Variants in KLHL1 observed in about 807,000 individuals in gnomAD.
KLHL1 encodes the protein kelch like family member 1, also known as kelch-like protein 1.
Under a neutral mutation model 77.7 loss-of-function variants are expected in KLHL1, and 47 were observed. The ratio of observed to expected loss-of-function variants is 0.60; its 90% CI spans 0.48 to 0.77. KLHL1 has a LOEUF of 0.77. KLHL1 is among the 30% of genes least tolerant of loss of function. The pLI, the probability that KLHL1 is intolerant of heterozygous loss-of-function variation, is 0.00. For missense variants in KLHL1, 925 were observed against 910.8 expected, an observed-to-expected ratio of 1.02 and a Z score of -0.20; for synonymous variants, 360 against 325.2, an observed-to-expected ratio of 1.11 and a Z score of -1.15.
intron 1 of KLHL1, among the ~76,000 whole-genome samples, chr13:70,073,507 T>G (rs528559673): frequency 6.6e-6 from 1 of 152,070 alleles, no homozygotes; most frequent in Non-Finnish European, 1.5e-5. Flanking sequence ...TGTGTACATA[T>G]GTAACAAGCC....
chr13:69,927,620 G>A lies in KLHL1; in HGVS notation c.1014+12420C>T, dbSNP rs146032923. Among the ~76,000 whole-genome samples the A allele has an allele frequency of 2.1e-3, 316 of 152,120 alleles. 6 individuals carry two copies. Among genetic ancestry groups the A allele is most frequent in the Admixed American group, 0.017 (257 of 15,268 alleles). On this transcript the variant is annotated intron_variant, in intron 4 of 10. Transcript: ENST00000377844. Reference sequence around the variant, plus strand: ...GTTCTAAGCAACATTTCTCCAAAGAGGATATATAAATGTCCAATAAATTCA... The same window carrying A: ...GTTCTAAGCAACATTTCTCCAAAGAAGATATATAAATGTCCAATAAATTCA...
intron 1 of KLHL1, among the ~76,000 whole-genome samples, chr13:70,058,591 T>C (rs1324621420): frequency 6.6e-6 from 1 of 152,066 alleles, no homozygotes; most frequent in East Asian, 1.9e-4. Flanking sequence ...TATGGAAAAA[T>C]ATTGCATGTC....
At chr13:70,075,096 T>G (rs1887229421) in intron 1 of KLHL1, among the ~76,000 whole-genome samples, 1 of 152,008 alleles carries the variant, frequency 6.6e-6, no homozygotes, top group Non-Finnish European at 1.5e-5. Context: ...CATGTTTATG[T>G]ACATGGGGGC....
In KLHL1 at chr13:70,040,839, A is replaced by G. The variant is rs576521365; in HGVS notation, c.498-65037T>C. Among the ~76,000 whole-genome samples, 4 of 152,214 alleles carry G rather than the reference A, an allele frequency of 2.6e-5. No homozygotes were observed. The South Asian group carries it at 8.3e-4, about 32-fold the overall frequency. ...CTTTTTAAGTCTTACCCCCATTTTCACCAATTTATGGAACCCCAAAGGCAC... is the reference window on the plus strand; with the variant it reads ...CTTTTTAAGTCTTACCCCCATTTTCGCCAATTTATGGAACCCCAAAGGCAC... On this transcript the variant is annotated intron_variant, in intron 1 of 10. Transcript: ENST00000377844.
chr13:69,927,979 G>A lies in KLHL1; in HGVS notation c.1014+12061C>T, dbSNP rs148303113. On this transcript the variant is annotated intron_variant, in intron 4 of 10. Coordinates refer to ENST00000377844, the MANE Select transcript of KLHL1 (RefSeq NM_020866.3). ...CTATCCTCACAGGATTAACAAGAAT[G>A]CTGGACAGAAATATAATTAAGCATT... Among the ~76,000 whole-genome samples the A allele has an allele frequency of 1.2e-3, 180 of 152,292 alleles. 2 individuals are homozygous for A. The highest frequency in any genetic ancestry group is 6.8e-3 in the Middle Eastern group (2 of 294).
At chr13:69,972,204 C>A (rs987517693) in intron 2 of KLHL1, among the ~76,000 whole-genome samples, 38 of 151,844 alleles carry the variant, frequency 2.5e-4, no homozygotes, top group Non-Finnish European at 8.8e-5. Flanking sequence ...TAAGTAATTT[C>A]TTTTTAATGT....
chr13:69,844,581 G>C (rs1238995347), intron 5 of KLHL1, among the ~76,000 whole-genome samples: 1 of 151,596 alleles, frequency 6.6e-6, no homozygotes, highest in East Asian at 1.9e-4. Context: ...ATTACTGTGG[G>C]GGTTAGGCCA....
At chr13:69,783,426 A>AACAAAAAATT (rs1876337558) in intron 7 of KLHL1, among the ~76,000 whole-genome samples, 1 of 152,142 alleles carries the variant, frequency 6.6e-6, no homozygotes, top group Non-Finnish European at 1.5e-5. Flanking sequence ...AAATACTGTG[A>AACAAAAAATT]ACAAAAAATT....
chr13:69,979,247 G>A (rs9989090), intron 1 of KLHL1, among the ~76,000 whole-genome samples: 68,458 of 150,944 alleles, frequency 0.45, 15,728 homozygotes, highest in Non-Finnish European at 0.49. Flanking sequence ...TCTTCATATT[G>A]TATCTGAGAA....
intron 4 of KLHL1, among the ~76,000 whole-genome samples, chr13:69,939,378 T>TATATATATATATATATAC (rs1200160699): frequency 1.4e-4 from 10 of 70,816 alleles, no homozygotes; most frequent in African/African-American, 5.7e-4. Flanking sequence ...TATATATATA[T>TATATATATATATATATAC]ACACACACAC....
At chr13:69,911,113 C>T (rs1306964526) in intron 4 of KLHL1, among the ~76,000 whole-genome samples, 1 of 151,824 alleles carries the variant, frequency 6.6e-6, no homozygotes, top group Non-Finnish European at 1.5e-5. Context: ...GTCTGTCTTT[C>T]TCTCTCTCTC....
chr13:69,915,930 A>G (rs1221210212), intron 4 of KLHL1, among the ~76,000 whole-genome samples: 4 of 152,180 alleles, frequency 2.6e-5, no homozygotes, highest in Non-Finnish European at 5.9e-5. Context: ...AAAAGTGGGC[A>G]AAGGATATGA....
intron 4 of KLHL1, among the ~76,000 whole-genome samples, chr13:69,926,718 C>T (rs1360333338): frequency 3.3e-5 from 5 of 151,724 alleles, no homozygotes; most frequent in South Asian, 2.1e-4. Context: ...GAGGCTGAGG[C>T]GGGTGGATCA....
Position 69,940,117 on chromosome 13 carries a change from T to G in KLHL1, c.937A>C (p.Asn313His), listed in dbSNP as rs1883321522. The G allele has an allele frequency of 6.2e-7, 1 of 1,613,066 alleles. No homozygotes were observed. The highest frequency in any genetic ancestry group is 1.3e-5 in the African/African-American group (1 of 74,870). ...GCGAAGGCTCGAATTCCTAAACAGTTAGATGGATGCAAAAGCTTCATGAGG... is the reference window on the plus strand; with the variant it reads ...GCGAAGGCTCGAATTCCTAAACAGTGAGATGGATGCAAAAGCTTCATGAGG... ...HFLMKLLHPS[N>H]CLGIRAFADA... The change falls in exon 4 of 11, where the codon AAC (asparagine) becomes CAC (histidine). Residue 313 changes from asparagine (N) to histidine (H), a missense_variant. Asn to His is a moderately conservative substitution (Grantham distance 68). Coordinates refer to ENST00000377844, the MANE Select transcript of KLHL1 (RefSeq NM_020866.3).
chr13:69,782,664 A>G (rs1362612665), intron 7 of KLHL1, among the ~76,000 whole-genome samples: 1 of 152,206 alleles, frequency 6.6e-6, no homozygotes, highest in Admixed American at 6.5e-5. Flanking sequence ...GCAGCCAGGA[A>G]GCTCAAACTG....
intron 1 of KLHL1, among the ~76,000 whole-genome samples, chr13:70,020,480 C>A (rs1311980018): frequency 6.6e-6 from 1 of 152,028 alleles, no homozygotes; most frequent in Non-Finnish European, 1.5e-5. Context: ...TTTTCTCTGC[C>A]TTCATGTTAG....
chr13:69,810,289 C>A (rs1877814253), intron 6 of KLHL1, among the ~76,000 whole-genome samples: 1 of 151,936 alleles, frequency 6.6e-6, no homozygotes, highest in Non-Finnish European at 1.5e-5. Flanking sequence ...CATGCTTAGC[C>A]ATAAAGCAAG....
chr13:69,796,373 G>T (rs916706887), intron 7 of KLHL1, among the ~76,000 whole-genome samples: 31 of 152,152 alleles, frequency 2.0e-4, no homozygotes, highest in African/African-American at 7.2e-4. Context: ...CTCATGAATG[G>T]CTTGGTGCTG....
intron 1 of KLHL1, among the ~76,000 whole-genome samples, chr13:70,079,218 T>C (rs1479211670): frequency 6.6e-6 from 1 of 152,160 alleles, no homozygotes; most frequent in Non-Finnish European, 1.5e-5. Flanking sequence ...ATGGTAGTTA[T>C]ACCTGGTTGA....
Sources: gnomAD v4.1 joint callset for allele counts (sites outside exome capture counted in the v4.1 genomes callset) on GRCh38, gnomAD v4.1.1 for gene constraint, MANE v1.5 for transcripts, NCBI Gene and HGNC (gene_info 2026-07-23, HGNC 2026-07-21) for gene names.